The following ADGRA1 variants were observed in gnomAD, a reference collection of about 807,000 sequenced individuals.
The protein encoded by ADGRA1 is G-protein coupled receptor 123.
ADGRA1 carries 12 observed loss-of-function variants against 21.3 expected under a neutral mutation model. The observed-to-expected ratio is 0.56, with a 90% confidence interval of 0.36 to 0.91. The LOEUF (loss-of-function observed/expected upper bound fraction) is 0.91. Among genes scored for constraint, ADGRA1 ranks in the 40% least tolerant of loss-of-function variants. The pLI is 0.01. For missense variants in ADGRA1, 790 were observed against 805.6 expected (o/e 0.98, Z 0.23); for synonymous variants, 385 against 368.8 (o/e 1.04, Z -0.50).
intron 5 of ADGRA1, 75 bp from the exon 6 acceptor site, chr10:133,127,158 T>A: frequency 1.1e-6 from 1 of 911,218 alleles, no homozygotes; most frequent in Non-Finnish European, 1.6e-6. Context: ...CCCCGCGGAG[T>A]GGGGGAGGGA....
chr10:133,110,412 C>T (rs1851967164), intron 5 of ADGRA1, among the ~76,000 whole-genome samples: 1 of 152,220 alleles, frequency 6.6e-6, no homozygotes, highest in South Asian at 2.1e-4. Context: ...GCTGTAGTGC[C>T]ACATCCTGCG....
At chr10:133,104,052 C>G (rs766866170) in intron 5 of ADGRA1, among the ~76,000 whole-genome samples, 14 of 152,230 alleles carry the variant, frequency 9.2e-5, no homozygotes, top group Admixed American at 6.5e-5. Context: ...GCACGGACAC[C>G]TGCTTCCTCG....
Position 133,129,174 on chromosome 10 carries a change from GCAGCTCGCGCACAGACAGCCCCCC to G in ADGRA1, c.1353_1376del (p.Arg452_Ser459del). 1.3e-6 allele frequency: 2 copies of G among 1,550,982 alleles called. No individual in the cohort carries two copies. Among genetic ancestry groups the G allele is most frequent in the South Asian group, 1.2e-5 (1 of 84,130 alleles). On this transcript the variant is annotated inframe_deletion, in exon 7 of 7. Coordinates refer to ENST00000392607, the MANE Select transcript of ADGRA1 (RefSeq NM_001083909.3). ...CCATCCAGCCTGGATGGCAGCCCCCGCAGCTCGCGCACAGACAGCCCCCCCAGCTCTCTGGATGGCCCGGCGGGG... is the reference window on the plus strand; with the variant it reads ...CCATCCAGCCTGGATGGCAGCCCCCGCAGCTCTCTGGATGGCCCGGCGGGG...
intron 4 of ADGRA1, 40 bp downstream of exon 4, chr10:133,098,803 G>A (rs866597865): frequency 6.3e-7 from 1 of 1,584,662 alleles, no homozygotes. Flanking sequence ...TCCCAGAGGG[G>A]AACTGCGTGA....
At chr10:133,123,526 C>T (rs1165890042) in intron 5 of ADGRA1, among the ~76,000 whole-genome samples, 1 of 152,236 alleles carries the variant, frequency 6.6e-6, no homozygotes, top group Non-Finnish European at 1.5e-5. Flanking sequence ...CACGCCCGTC[C>T]TGTAACTGTG....
At chr10:133,125,645 G>A (rs1852363734) in intron 5 of ADGRA1, among the ~76,000 whole-genome samples, 2 of 151,956 alleles carry the variant, frequency 1.3e-5, no homozygotes, top group South Asian at 4.2e-4. Context: ...TAGCCAGGAT[G>A]GTCTCGGTCT....
chr10:133,092,113 T>C (rs1471075372), intron 2 of ADGRA1, among the ~76,000 whole-genome samples: 1 of 152,202 alleles, frequency 6.6e-6, no homozygotes, highest in Admixed American at 6.5e-5. Flanking sequence ...CCCCTTGGCC[T>C]CTGCCAGGAA....
Position 133,108,786 on chromosome 10 carries a change from C to T in ADGRA1, c.401+5944C>T, listed in dbSNP as rs992545910. Among the ~76,000 whole-genome samples, 191 of 152,092 alleles carry T rather than the reference C, an allele frequency of 1.3e-3. 1 individual carries two copies. The highest frequency in any genetic ancestry group is 2.5e-3 in the Admixed American group (38 of 15,282). ...AGCTCAATACTGGGTGCATGTGGCCCCAGCTCCACCCCTCCCCTCACATCC... is the reference window on the plus strand; with the variant it reads ...AGCTCAATACTGGGTGCATGTGGCCTCAGCTCCACCCCTCCCCTCACATCC... On this transcript the variant is annotated intron_variant, in intron 5 of 6. Coordinates refer to ENST00000392607, the MANE Select transcript of ADGRA1 (RefSeq NM_001083909.3).
intron 2 of ADGRA1, among the ~76,000 whole-genome samples, chr10:133,093,603 A>T (rs1324955928): frequency 6.6e-6 from 1 of 152,186 alleles, no homozygotes; most frequent in East Asian, 1.9e-4. Context: ...GCGGGCACAG[A>T]ACCAAGCTGG....
intron 5 of ADGRA1, among the ~76,000 whole-genome samples, chr10:133,105,054 T>C (rs1851867693): frequency 5.3e-5 from 8 of 152,146 alleles, no homozygotes; most frequent in Admixed American, 5.2e-4. Context: ...CCAGCGGCCC[T>C]GCATCCCCAG....
intron 2 of ADGRA1, chr10:133,093,374 A>G: frequency 8.1e-7 from 1 of 1,239,818 alleles, no homozygotes; most frequent in Non-Finnish European, 1.1e-6. Context: ...AACACACCAA[A>G]GAGGAGACCT....
At chr10:133,105,048 C>A (rs1037840759) in intron 5 of ADGRA1, among the ~76,000 whole-genome samples, 1 of 152,232 alleles carries the variant, frequency 6.6e-6, no homozygotes, top group African/African-American at 2.4e-5. Context: ...CCCCTCCCAG[C>A]GGCCCTGCAT....
chr10:133,124,700 T>C (rs1346907733), intron 5 of ADGRA1, among the ~76,000 whole-genome samples: 2 of 152,190 alleles, frequency 1.3e-5, no homozygotes, highest in Non-Finnish European at 2.9e-5. Flanking sequence ...CTTGGAGCCA[T>C]AGGAGAGGGT....
At chr10:133,111,739 A>T (rs1852012815) in intron 5 of ADGRA1, among the ~76,000 whole-genome samples, 2 of 115,520 alleles carry the variant, frequency 1.7e-5, no homozygotes, top group Non-Finnish European at 3.3e-5. Flanking sequence ...CTCCCTCCTA[A>T]TCCCACCAGA....
rs1852451454 is a variant in ADGRA1, at chr10:133,129,056, G to A, written c.1228G>A (p.Asp410Asn). ...GCAGGAGGAGGGCGCCTTCGGGCACGACCCCCACCTGCACGGGTGCCTTCA... is the reference window on the plus strand; with the variant it reads ...GCAGGAGGAGGGCGCCTTCGGGCACAACCCCCACCTGCACGGGTGCCTTCA... ...HLQEEGAFGH[D>N]PHLHGCLQGR... Residue 410 changes from aspartate (D) to asparagine (N), a missense_variant, in exon 7 of 7, where the codon GAC (aspartate) becomes AAC (asparagine). Around this residue, in one of 3 missense-constraint regions of ADGRA1, gnomAD observed 391 missense variants for 351.5 expected, o/e 1.11. Transcript: ENST00000392607. The A allele has an allele frequency of 1.9e-6, 3 of 1,553,224 alleles. No homozygotes were observed. Among genetic ancestry groups the A allele is most frequent in the South Asian group, 1.2e-5 (1 of 84,626 alleles).
At chr10:133,098,983 A>C (rs925712708) in intron 4 of ADGRA1, among the ~76,000 whole-genome samples, 2 of 152,158 alleles carry the variant, frequency 1.3e-5, no homozygotes, top group Admixed American at 6.5e-5. Flanking sequence ...GCCGGCGCTA[A>C]CCTGACACTT....
intron 2 of ADGRA1, chr10:133,093,197 A>G (rs775915966): frequency 6.3e-7 from 1 of 1,594,174 alleles, no homozygotes; most frequent in South Asian, 1.1e-5. Context: ...AGATTCCTTC[A>G]GGCAGCTGGC....
rs149597375 is a variant in ADGRA1, at chr10:133,109,903, G to T, written c.401+7061G>T. Among the ~76,000 whole-genome samples the T allele has an allele frequency of 5.8e-4, 88 of 152,358 alleles. 1 individual carries two copies. The East Asian group carries it at 0.012, about 21-fold the overall frequency. ...CACACTGCCCGTCATGCAGTGTCAG[G>T]CCCCACGGCCTCTGCACACTCAGGG... On this transcript the variant is annotated intron_variant, in intron 5 of 6. Coordinates refer to ENST00000392607, the MANE Select transcript of ADGRA1 (RefSeq NM_001083909.3).
chr10:133,127,192 G>A, intron 5 of ADGRA1, 41 bp from the exon 6 acceptor site: 1 of 1,346,698 alleles, frequency 7.4e-7, no homozygotes, highest in Non-Finnish European at 1.0e-6. Context: ...GGAGGATGCA[G>A]GCGGCGTCTG....
Sources: gnomAD v4.1 joint callset for allele counts (sites outside exome capture counted in the v4.1 genomes callset) on GRCh38, gnomAD v4.1.1 for gene constraint, gnomAD v4.1.1 regional missense constraint, MANE v1.5 for transcripts, NCBI Gene and HGNC (gene_info 2026-07-23, HGNC 2026-07-21) for gene names.